Variants in GNA14 observed in about 807,000 individuals in gnomAD.
GNA14 encodes the protein G protein subunit alpha 14, also known as guanine nucleotide-binding protein subunit alpha-14.
A neutral mutation model predicts 42.0 loss-of-function variants in GNA14; 50 were observed. The observed-to-expected ratio is 1.19, with a 90% confidence interval of 0.95 to 1.51. The LOEUF (loss-of-function observed/expected upper bound fraction) is 1.51, where lower values mean the gene tolerates loss of function less well. GNA14 is among the 40% of genes most tolerant of loss of function. GNA14 has a pLI of 0.00. For missense variants in GNA14, 473 were observed against 446.2 expected, an observed-to-expected ratio of 1.06 and a Z score of -0.54; for synonymous variants, 173 against 163.1, an observed-to-expected ratio of 1.06 and a Z score of -0.46.
chr9:77,466,153 G>A (rs1836219385), intron 2 of GNA14, among the ~76,000 whole-genome samples: 1 of 152,102 alleles, frequency 6.6e-6, no homozygotes, highest in Non-Finnish European at 1.5e-5. Flanking sequence ...TTCGATTAGT[G>A]TTTTTCATCA....
intron 1 of GNA14, among the ~76,000 whole-genome samples, chr9:77,564,113 C>T (rs895466690): frequency 3.3e-5 from 5 of 152,082 alleles, no homozygotes; most frequent in Admixed American, 6.6e-5. Context: ...GACCTTCCAC[C>T]GGATCCTTAT....
At chr9:77,593,199 T>C (rs1468791909) in intron 1 of GNA14, among the ~76,000 whole-genome samples, 1 of 152,210 alleles carries the variant, frequency 6.6e-6, no homozygotes, top group East Asian at 1.9e-4. Flanking sequence ...AATTTTGTTC[T>C]GTGTGTTGTC....
intron 1 of GNA14, among the ~76,000 whole-genome samples, chr9:77,581,172 T>C (rs1304806613): frequency 6.6e-6 from 1 of 152,026 alleles, no homozygotes; most frequent in Non-Finnish European, 1.5e-5. Flanking sequence ...GATGTGGGAG[T>C]GGAAGGAGTC....
intron 2 of GNA14, among the ~76,000 whole-genome samples, chr9:77,516,188 A>G (rs1250620926): frequency 6.6e-6 from 1 of 152,092 alleles, no homozygotes; most frequent in African/African-American, 2.4e-5. Flanking sequence ...CTAGTTGCCC[A>G]TTTTGTCTTC....
chr9:77,596,438 C>G (rs555505943), intron 1 of GNA14, among the ~76,000 whole-genome samples: 67 of 152,192 alleles, frequency 4.4e-4, no homozygotes, highest in Middle Eastern at 3.4e-3. Context: ...TGAGAAATCA[C>G]AAAAACTCCC....
At chr9:77,623,584 T>C (rs73462084) in intron 1 of GNA14, among the ~76,000 whole-genome samples, 3,486 of 152,184 alleles carry the variant, frequency 0.023, 144 homozygotes, top group African/African-American at 0.079. Context: ...GCTCATCTCA[T>C]TGGGATTGGT....
chr9:77,470,704 T>A (rs944419578), intron 2 of GNA14, among the ~76,000 whole-genome samples: 1 of 152,124 alleles, frequency 6.6e-6, no homozygotes, highest in Non-Finnish European at 1.5e-5. Context: ...GACTGGGTAA[T>A]TTGTAAAGAA....
At chr9:77,508,483 G>A (rs1837105957) in intron 2 of GNA14, among the ~76,000 whole-genome samples, 1 of 152,190 alleles carries the variant, frequency 6.6e-6, no homozygotes, top group Non-Finnish European at 1.5e-5. Context: ...GCATGCATTT[G>A]TATGCATGCA....
chr9:77,431,443 C>G lies in GNA14; in HGVS notation c.471G>C (p.Leu157=), dbSNP rs769419048. ...GTGTGGCGATGCGGTCAATGTCAGT[C>G]AGGTAACTGTATATTAGAGAACGAG... ...YQLSDSAKYY[L]TDIDRIATPS... is the part of the protein sequence containing the mutation. Residue 157 remains leucine, a synonymous_variant, in exon 4 of 7, where the codon CTG becomes CTC. Coordinates refer to ENST00000341700, the MANE Select transcript of GNA14 (RefSeq NM_004297.4). 4.3e-6 allele frequency: 7 copies of G among 1,612,550 alleles called. No homozygotes were observed. Among genetic ancestry groups the G allele is most frequent in the South Asian group, 2.2e-5 (2 of 90,874 alleles).
intron 1 of GNA14, among the ~76,000 whole-genome samples, chr9:77,615,279 T>C (rs1823792608): frequency 6.6e-6 from 1 of 152,062 alleles, no homozygotes; most frequent in Non-Finnish European, 1.5e-5. Flanking sequence ...TTATCCCAAA[T>C]TGGGGTTTCA....
rs1835612186 is a variant in GNA14, at chr9:77,434,522, C to T, written c.310G>A (p.Glu104Lys). The change falls in exon 3 of 7, where the codon GAA (glutamate) becomes AAA (lysine). Residue 104 changes from glutamate to lysine, a missense_variant and splice_region_variant. Glu to Lys is a moderately conservative substitution (Grantham distance 56). Transcript: ENST00000341700. ...ACTTCTCTGATTATCTGGGCATTTTCCTACTCAAAGGAAAGAGAACCTTGC... is the reference window on the plus strand; with the variant it reads ...ACTTCTCTGATTATCTGGGCATTTTTCTACTCAAAGGAAAGAGAACCTTGC... ...RIQYVCEQNK[E>K]NAQIIREVEV... 1.2e-6 allele frequency: 2 copies of T among 1,612,206 alleles called. No individual in the cohort carries two copies. Among genetic ancestry groups the T allele is most frequent in the Non-Finnish European group, 1.7e-6 (2 of 1,179,238 alleles).
chr9:77,428,511 C>T (rs1396122872), intron 5 of GNA14, among the ~76,000 whole-genome samples: 1 of 152,134 alleles, frequency 6.6e-6, no homozygotes, highest in Non-Finnish European at 1.5e-5. Flanking sequence ...AAAATCCCCC[C>T]ACTCAGGCCC....
At chr9:77,564,311 A>AAC (rs1554698981) in intron 1 of GNA14, among the ~76,000 whole-genome samples, 6 of 151,472 alleles carry the variant, frequency 4.0e-5, no homozygotes, top group Non-Finnish European at 7.4e-5. Flanking sequence ...AAAAAAAAAA[A>AAC]AAACTTATTT....
At chr9:77,629,444 G>T (rs1251876573) in intron 1 of GNA14, among the ~76,000 whole-genome samples, 2 of 152,158 alleles carry the variant, frequency 1.3e-5, no homozygotes, top group African/African-American at 4.8e-5. Flanking sequence ...GTTTATTGCA[G>T]CAACTATTCA....
intron 1 of GNA14, among the ~76,000 whole-genome samples, chr9:77,596,338 T>A (rs184561085): frequency 6.6e-6 from 1 of 152,154 alleles, no homozygotes; most frequent in Admixed American, 6.6e-5. Flanking sequence ...TTTACAGTGA[T>A]TTTTTTTGTT....
At chr9:77,428,076 TTTTTTTC>T (rs1356216542) in intron 5 of GNA14, among the ~76,000 whole-genome samples, 5 of 146,108 alleles carry the variant, frequency 3.4e-5, no homozygotes, top group Non-Finnish European at 6.0e-5. Context: ...TTTTTCTTTT[TTTTTTTC>T]TTTTTTTTTT....
chr9:77,462,998 A>AAGGGTAATAAACAACTCG (rs1298210776), intron 2 of GNA14, among the ~76,000 whole-genome samples: 24 of 152,158 alleles, frequency 1.6e-4, no homozygotes, highest in Non-Finnish European at 2.4e-4. Context: ...TCTCCAACCC[A>AAGGGTAATAAACAACTCG]AGGGTAATAA....
At chr9:77,582,198 T>C (rs1270035613) in intron 1 of GNA14, among the ~76,000 whole-genome samples, 1 of 152,330 alleles carries the variant, frequency 6.6e-6, no homozygotes, top group South Asian at 2.1e-4. Context: ...CAATCCTGGA[T>C]TGATCCCACT....
chr9:77,435,062 A>C (rs1213422047), intron 2 of GNA14, among the ~76,000 whole-genome samples: 7 of 151,578 alleles, frequency 4.6e-5, no homozygotes, highest in South Asian at 2.1e-4. Context: ...AAAAAAAAAA[A>C]AAAAAAAAAA....
Sources: gnomAD v4.1 joint callset for allele counts (sites outside exome capture counted in the v4.1 genomes callset) on GRCh38, gnomAD v4.1.1 for gene constraint, MANE v1.5 for transcripts, NCBI Gene and HGNC (gene_info 2026-07-23, HGNC 2026-07-21) for gene names.